The following DCHS2 variants were observed in gnomAD, a reference collection of about 807,000 sequenced individuals.
The protein encoded by DCHS2 is dachsous cadherin-related 2.
In DCHS2, 142 loss-of-function variants were observed where a neutral mutation model predicts 182.4. That is an observed-to-expected ratio of 0.78 (90% CI 0.68 to 0.89). The LOEUF (loss-of-function observed/expected upper bound fraction) is 0.89, where lower values mean the gene tolerates loss of function less well. DCHS2 is among the 40% of genes least tolerant of loss of function. The pLI, the probability that DCHS2 is intolerant of heterozygous loss-of-function variation, is 0.00. For synonymous variants in DCHS2, 1,740 were observed against 1,663.3 expected, an observed-to-expected ratio of 1.05 and a Z score of -1.12; for missense variants, 4,319 against 4,198.6, an observed-to-expected ratio of 1.03 and a Z score of -0.79.
At chr4:154,302,962 C>CAT (rs1735274227) in intron 12 of DCHS2, among the ~76,000 whole-genome samples, 1 of 56,392 alleles carries the variant, frequency 1.8e-5, no homozygotes, top group Non-Finnish European at 2.9e-5. Context: ...CACACACACA[C>CAT]ACACACCCAC....
intron 5 of DCHS2, 85 bp from the exon 6 acceptor site, chr4:154,329,795 T>A: frequency 7.8e-7 from 1 of 1,279,330 alleles, no homozygotes; most frequent in Non-Finnish European, 1.1e-6. Flanking sequence ...GAAAACCAAG[T>A]ACAAAGCTTT....
At chr4:154,435,448 T>C (rs1248080480) in intron 1 of DCHS2, among the ~76,000 whole-genome samples, 1 of 151,900 alleles carries the variant, frequency 6.6e-6, no homozygotes, top group Admixed American at 6.6e-5. Context: ...GCAAAAAAAT[T>C]AGCTGGGTAT....
rs144242535 is a variant in DCHS2 at position 154,366,587 on chromosome 4, T to G, written c.2245-146A>C. 1,947 of 630,304 alleles carry G rather than the reference T, an allele frequency of 3.1e-3. 25 individuals are homozygous for G. The African/African-American group carries it at 0.031, about 10-fold the overall frequency. The allele number at this position is 630,304 out of a possible 1,614,324, so 39.0% of individuals were successfully genotyped here. On this transcript the variant is annotated intron_variant, in intron 2 of 19. Coordinates refer to ENST00000357232, the MANE Select transcript of DCHS2 (RefSeq NM_001358235.2). ...ATATGTATATGTGTGTATACACATATACACACACCCCCATACATACACATT... is the reference window on the plus strand; with the variant it reads ...ATATGTATATGTGTGTATACACATAGACACACACCCCCATACATACACATT...
chr4:154,484,770 C>A (rs1447912464), intron 1 of DCHS2, among the ~76,000 whole-genome samples: 2 of 152,154 alleles, frequency 1.3e-5, no homozygotes, highest in Non-Finnish European at 2.9e-5. Flanking sequence ...TAATAGACAT[C>A]TGGAGTTTAG....
At chr4:154,364,213 G>T (rs1267934491) in intron 3 of DCHS2, among the ~76,000 whole-genome samples, 2 of 152,364 alleles carry the variant, frequency 1.3e-5, no homozygotes, top group Non-Finnish European at 2.9e-5. Context: ...TATAGTCGCT[G>T]CCAGGAAGGG....
intron 1 of DCHS2, among the ~76,000 whole-genome samples, chr4:154,381,421 C>T (rs539153183): frequency 1.3e-5 from 2 of 152,066 alleles, no homozygotes; most frequent in South Asian, 2.1e-4. Flanking sequence ...CAACACAGTA[C>T]GGGAAGTCCT....
intron 7 of DCHS2, among the ~76,000 whole-genome samples, chr4:154,327,682 G>T (rs959411312): frequency 1.3e-5 from 2 of 152,022 alleles, no homozygotes; most frequent in African/African-American, 4.8e-5. Flanking sequence ...CATTTTCTAG[G>T]CATGATTTAC....
At chr4:154,426,767 C>T (rs1316454963) in intron 1 of DCHS2, among the ~76,000 whole-genome samples, 1 of 22,344 alleles carries the variant, frequency 4.5e-5, no homozygotes, top group Non-Finnish European at 3.6e-4. Context: ...GACTTTGTCT[C>T]TACAAAATAA....
chr4:154,340,889 G>A (rs1358026227), intron 3 of DCHS2, among the ~76,000 whole-genome samples: 2 of 152,170 alleles, frequency 1.3e-5, no homozygotes, highest in Non-Finnish European at 2.9e-5. Flanking sequence ...GTCAGTTATA[G>A]GTGAGCAGGA....
chr4:154,434,493 T>C (rs552037248), intron 1 of DCHS2, among the ~76,000 whole-genome samples: 2 of 149,830 alleles, frequency 1.3e-5, no homozygotes, highest in Admixed American at 6.8e-5. Flanking sequence ...AGTAGTAAAT[T>C]TGATGAGAAA....
At chr4:154,326,707 G>A (rs796248149) in intron 7 of DCHS2, among the ~76,000 whole-genome samples, 15 of 152,112 alleles carry the variant, frequency 9.9e-5, no homozygotes, top group African/African-American at 3.1e-4. Flanking sequence ...TCAAGTTTCC[G>A]TACGTGTAAA....
intron 1 of DCHS2, among the ~76,000 whole-genome samples, chr4:154,418,161 G>A (rs1732953082): frequency 6.6e-6 from 1 of 152,152 alleles, no homozygotes. Context: ...TGTAGGTCAT[G>A]GTATTCTTCT....
Position 154,283,996 on chromosome 4 carries a change from T to G in DCHS2, c.6463+13855A>C, listed in dbSNP as rs1416256141. On this transcript the variant is annotated intron_variant, in intron 13 of 19. Transcript: ENST00000357232. ...CATAATTTTTCTATGTGAGTAATTC[T>G]CAACTTTGGTTTTGAGATAACCCAG... is the stretch of plus-strand genomic sequence containing the variant. Among the ~76,000 whole-genome samples, 3 of 152,214 alleles carry G rather than the reference T, an allele frequency of 2.0e-5. No homozygotes were observed. In the East Asian group the frequency reaches 5.8e-4, roughly 29 times the overall value.
rs1179758962 is a variant in DCHS2 at position 154,284,585 on chromosome 4, G to C, written c.6463+13266C>G. 6 of 152,494 alleles carry C rather than the reference G, an allele frequency of 3.9e-5. No individual in the cohort carries two copies. In the East Asian group the frequency reaches 1.2e-3, roughly 29 times the overall value. The allele number at this position is 152,494 out of a possible 1,614,324, so 9.4% of individuals were successfully genotyped here. A position where few individuals can be genotyped will look rare whatever the true frequency, so the allele number is the denominator to read the frequency against. On this transcript the variant is annotated intron_variant, in intron 13 of 19. Transcript: ENST00000357232. ...TGAAGAGAGAGAATCTGTGCACTTG[G>C]GAGAGGGTGAGCATGGTGATTGTGG...
chr4:154,287,272 A>C (rs943699496), intron 13 of DCHS2, among the ~76,000 whole-genome samples: 1 of 152,324 alleles, frequency 6.6e-6, no homozygotes, highest in African/African-American at 2.4e-5. Flanking sequence ...TAAGGTACAA[A>C]ACTCACTGGT....
chr4:154,270,426 G>A (rs1733533805), intron 13 of DCHS2, among the ~76,000 whole-genome samples: 1 of 151,932 alleles, frequency 6.6e-6, no homozygotes, highest in African/African-American at 2.4e-5. Flanking sequence ...GCTGGAAGAA[G>A]AGGATTTTGG....
chr4:154,448,363 C>T (rs983224107), intron 1 of DCHS2, among the ~76,000 whole-genome samples: 8 of 152,282 alleles, frequency 5.3e-5, no homozygotes, highest in Admixed American at 2.6e-4. Context: ...AATATGAAAG[C>T]TGGATGTATG....
intron 13 of DCHS2, among the ~76,000 whole-genome samples, chr4:154,289,450 C>A (rs1734552988): frequency 6.6e-6 from 1 of 151,956 alleles, no homozygotes; most frequent in Non-Finnish European, 1.5e-5. Context: ...AATAAAAAGT[C>A]TCCCAGCAAA....
chr4:154,259,776 GA>G lies in DCHS2; in HGVS notation c.6578-21del, dbSNP rs758924899. The G allele has an allele frequency of 4.7e-5, 74 of 1,571,808 alleles. No homozygotes were observed. Among genetic ancestry groups the G allele is most frequent in the South Asian group, 2.2e-4 (18 of 83,312 alleles). ...GTTGTCCTATTTTTATTTCCAAGGAGAAAAAAAAGAAAATGATGTTGTAGTT... is the reference window on the plus strand; with the variant it reads ...GTTGTCCTATTTTTATTTCCAAGGAGAAAAAAAGAAAATGATGTTGTAGTT... On this transcript the variant is annotated intron_variant, in intron 14 of 19. Transcript: ENST00000357232.
Sources: allele counts gnomAD v4.1 joint callset (sites outside exome capture counted in the v4.1 genomes callset), GRCh38; gene constraint gnomAD v4.1.1; transcripts MANE v1.5; gene names NCBI Gene and HGNC (gene_info 2026-07-23, HGNC 2026-07-21).